The following SPINK9 variants were observed in gnomAD, a reference collection of about 807,000 sequenced individuals.
SPINK9 encodes the protein serine peptidase inhibitor Kazal type 9.
In SPINK9, 3 loss-of-function variants were observed where a neutral mutation model predicts 10.8. The ratio of observed to expected loss-of-function variants is 0.28; its 90% CI spans 0.13 to 0.72. The LOEUF is 0.72. Ranked by LOEUF, SPINK9 falls within the 30% of genes least tolerant of loss-of-function variation. The pLI is 0.74. For missense variants in SPINK9, 101 were observed against 103.2 expected, an observed-to-expected ratio of 0.98 and a Z score of 0.09; for synonymous variants, 30 against 31.2, an observed-to-expected ratio of 0.96 and a Z score of 0.12.
intron 2 of SPINK9, among the ~76,000 whole-genome samples, chr5:148,328,760 T>A (rs998686699): frequency 3.3e-5 from 5 of 152,216 alleles, no homozygotes; most frequent in African/African-American, 1.2e-4. Context: ...ATTGAGATAA[T>A]CATGTGGTTT....
chr5:148,336,781 T>G (rs1162907442), intron 2 of SPINK9, among the ~76,000 whole-genome samples: 2 of 152,152 alleles, frequency 1.3e-5, no homozygotes, highest in Admixed American at 6.5e-5. Context: ...TGGCATAGAG[T>G]GAAACTCAAT....
At chr5:148,337,448 A>G (rs1439328119) in intron 2 of SPINK9, among the ~76,000 whole-genome samples, 1 of 152,166 alleles carries the variant, frequency 6.6e-6, no homozygotes, top group Non-Finnish European at 1.5e-5. Flanking sequence ...TCTGGAGGGA[A>G]GGAAGAATTC....
intron 2 of SPINK9, among the ~76,000 whole-genome samples, chr5:148,325,641 T>C (rs1418046073): frequency 6.6e-6 from 1 of 152,148 alleles, no homozygotes; most frequent in Non-Finnish European, 1.5e-5. Flanking sequence ...ATATATATTC[T>C]AGATACCAGT....
intron 2 of SPINK9, among the ~76,000 whole-genome samples, chr5:148,325,668 G>C (rs1264746821): frequency 6.6e-6 from 1 of 151,984 alleles, no homozygotes; most frequent in Non-Finnish European, 1.5e-5. Flanking sequence ...TAAGATACAT[G>C]ATTTGCAAAT....
chr5:148,328,934 T>C (rs1280975033), intron 2 of SPINK9, among the ~76,000 whole-genome samples: 1 of 152,220 alleles, frequency 6.6e-6, no homozygotes, highest in East Asian at 1.9e-4. Flanking sequence ...TTTGCATCAA[T>C]GTTCATCAAG....
intron 2 of SPINK9, among the ~76,000 whole-genome samples, chr5:148,325,647 C>T (rs149155374): frequency 2.0e-5 from 3 of 152,124 alleles, no homozygotes; most frequent in African/African-American, 7.2e-5. Flanking sequence ...ATTCTAGATA[C>T]CAGTGTCTCA....
chr5:148,336,776 T>TAG (rs1347209660), intron 2 of SPINK9, among the ~76,000 whole-genome samples: 1 of 152,238 alleles, frequency 6.6e-6, no homozygotes, highest in Non-Finnish European at 1.5e-5. Context: ...GTGCCTGGCA[T>TAG]AGAGTGAAAC....
chr5:148,330,868 G>A (rs1581187560), upstream of SPINK9, among the ~76,000 whole-genome samples: 1 of 152,156 alleles, frequency 6.6e-6, no homozygotes, highest in African/African-American at 2.4e-5. Context: ...TTTCTCCATG[G>A]GCGTAGGACC....
upstream of SPINK9, among the ~76,000 whole-genome samples, chr5:148,331,384 ATAC>A (rs1159006354): frequency 6.6e-6 from 1 of 152,222 alleles, no homozygotes; most frequent in Non-Finnish European, 1.5e-5. Flanking sequence ...AGACAAATAA[ATAC>A]TACGTGATCT....
At chr5:148,332,458 C>T (rs896017003), upstream of SPINK9, among the ~76,000 whole-genome samples, 13 of 152,140 alleles carry the variant, frequency 8.5e-5, no homozygotes, top group Admixed American at 6.6e-4. Flanking sequence ...AAGTAAATAG[C>T]GATACCAATA....
At chr5:148,332,127 A>C (rs147343777), upstream of SPINK9, among the ~76,000 whole-genome samples, 765 of 152,338 alleles carry the variant, frequency 5.0e-3, 8 homozygotes, top group African/African-American at 0.017. Flanking sequence ...CAAAAGAAAA[A>C]GTTATAAACT....
intron 1 of SPINK9, among the ~76,000 whole-genome samples, chr5:148,322,209 T>C (rs1757007325): frequency 6.6e-6 from 1 of 152,222 alleles, no homozygotes; most frequent in Non-Finnish European, 1.5e-5. Flanking sequence ...GATATATTGA[T>C]ATGACACAGG....
chr5:148,328,469 C>G (rs1757099839), intron 2 of SPINK9, among the ~76,000 whole-genome samples: 1 of 152,226 alleles, frequency 6.6e-6, no homozygotes, highest in African/African-American at 2.4e-5. Flanking sequence ...TTGACTTCCT[C>G]TTTTCCTAAT....
chr5:148,338,625 C>G lies in SPINK9; in HGVS notation c.215+20C>G. 6.6e-7 allele frequency: 1 copy of G among 1,523,268 alleles called. No individual in the cohort carries two copies. The allele number at this position is 1,523,268 out of a possible 1,614,324, so 94.4% of individuals were successfully genotyped here. ...AGTTAAGTAAGTATTAAAATGTTTT[C>G]TTTTTCATATTTAAGGTAAAAGTAT... is the stretch of plus-strand genomic sequence containing the variant. On this transcript the variant is annotated intron_variant, in intron 3 of 3. Transcript: ENST00000377906.
At chr5:148,329,357 T>C (rs1019564292) in intron 2 of SPINK9, among the ~76,000 whole-genome samples, 5 of 152,186 alleles carry the variant, frequency 3.3e-5, no homozygotes, top group African/African-American at 1.2e-4. Context: ...TGATATCCCC[T>C]TTGTCATTTT....
At chr5:148,331,972 T>C (rs931845979), upstream of SPINK9, among the ~76,000 whole-genome samples, 1 of 152,162 alleles carries the variant, frequency 6.6e-6, no homozygotes, top group African/African-American at 2.4e-5. Flanking sequence ...AATATGACCA[T>C]TATAACAATA....
intron 2 of SPINK9, among the ~76,000 whole-genome samples, chr5:148,325,193 T>C (rs1757043856): frequency 6.6e-6 from 1 of 152,014 alleles, no homozygotes; most frequent in African/African-American, 2.4e-5. Context: ...GATAGTTGGG[T>C]TGTTTCCAAT....
upstream of SPINK9, among the ~76,000 whole-genome samples, chr5:148,333,040 C>T (rs1256635097): frequency 1.3e-5 from 2 of 152,036 alleles, no homozygotes; most frequent in African/African-American, 4.8e-5. Flanking sequence ...ATGACAAAAA[C>T]TTTATCACAG....
chr5:148,332,267 C>A (rs1291194345), upstream of SPINK9, among the ~76,000 whole-genome samples: 1 of 152,150 alleles, frequency 6.6e-6, no homozygotes, highest in African/African-American at 2.4e-5. Context: ...ATGTTAAATG[C>A]CATAGAGAAT....
Sources: gnomAD v4.1 joint callset for allele counts (sites outside exome capture counted in the v4.1 genomes callset) on GRCh38, gnomAD v4.1.1 for gene constraint, MANE v1.5 for transcripts, NCBI Gene and HGNC (gene_info 2026-07-23, HGNC 2026-07-21) for gene names.